Variants in STK36 observed in about 807,000 individuals in gnomAD.
STK36 encodes serine/threonine kinase 36, also known as serine/threonine-protein kinase 36.
Under a neutral mutation model 142.2 loss-of-function variants are expected in STK36, and 116 were observed. That is an observed-to-expected ratio of 0.82 (90% CI 0.70 to 0.95). The LOEUF is 0.95. STK36 is among the 40% of genes least tolerant of loss of function. The pLI, the probability that STK36 is intolerant of heterozygous loss-of-function variation, is 0.00. For missense variants in STK36, 1,422 were observed against 1,617.2 expected (o/e 0.88, Z 2.07); for synonymous variants, 619 against 641.7 (o/e 0.96, Z 0.53).
In STK36 at chr2:218,702,355, C is replaced by A; in HGVS notation, c.*346C>A. On this transcript the variant is annotated 3_prime_UTR_variant, in exon 27 of 27. Coordinates refer to ENST00000295709, the MANE Select transcript of STK36 (RefSeq NM_015690.5). ...CTGAAAGATCTCTTCCTTTCTGGAG[C>A]TCCTTTAATCTTCCCAGCAGGTTTT... 1 of 186,462 alleles carries A rather than the reference C, an allele frequency of 5.4e-6. No individual in the cohort carries two copies. The highest frequency in any genetic ancestry group is 1.1e-5 in the Non-Finnish European group (1 of 90,538). The allele number at this position is 186,462 out of a possible 1,614,324, so 11.6% of individuals were successfully genotyped here.
chr2:218,672,496 A>G, intron 1 of STK36: 1 of 333,180 alleles, frequency 3.0e-6, no homozygotes, highest in Non-Finnish European at 5.7e-6. Context: ...GGCTAGGTTG[A>G]AAGAGTAGGG....
chr2:218,699,356 C>T lies in STK36; in HGVS notation c.3804+8C>T. On this transcript the variant is annotated splice_region_variant and intron_variant, in intron 26 of 26. Coordinates refer to ENST00000295709, the MANE Select transcript of STK36 (RefSeq NM_015690.5). Reference sequence around the variant, plus strand: ...GAGCCTGGCATCCATCAGGTATACCCTACAGCACTTATGAACCATGATGAT... The same window carrying T: ...GAGCCTGGCATCCATCAGGTATACCTTACAGCACTTATGAACCATGATGAT... The T allele has an allele frequency of 6.2e-7, 1 of 1,610,558 alleles. No individual in the cohort carries two copies. Among genetic ancestry groups the T allele is most frequent in the East Asian group, 2.2e-5 (1 of 44,856 alleles).
At chr2:218,678,005 A>G (rs1451691013) in intron 6 of STK36, among the ~76,000 whole-genome samples, 1 of 152,154 alleles carries the variant, frequency 6.6e-6, no homozygotes, top group Non-Finnish European at 1.5e-5. Flanking sequence ...GTTAGCCAGG[A>G]TGGTCTCAAT....
chr2:218,680,196 G>C, intron 9 of STK36, 116 bp downstream of exon 9: 1 of 964,690 alleles, frequency 1.0e-6, no homozygotes. Flanking sequence ...CATGGATAGA[G>C]CCTCGAGAGT....
intron 12 of STK36, among the ~76,000 whole-genome samples, chr2:218,689,106 G>C (rs1940894883): frequency 6.6e-6 from 1 of 152,126 alleles, no homozygotes; most frequent in Non-Finnish European, 1.5e-5. Flanking sequence ...GGAATATGAT[G>C]AACTAGAGTT....
intron 12 of STK36, among the ~76,000 whole-genome samples, chr2:218,689,413 T>C: frequency 6.6e-6 from 1 of 152,292 alleles, no homozygotes; most frequent in Middle Eastern, 3.4e-3. Context: ...AGAGCTGGGA[T>C]AGAGACTCAA....
At chr2:218,700,431 T>C (rs1472887596) in intron 26 of STK36, among the ~76,000 whole-genome samples, 1 of 151,820 alleles carries the variant, frequency 6.6e-6, no homozygotes, top group Non-Finnish European at 1.5e-5. Flanking sequence ...AGATGGAGTC[T>C]CGCTCTGTTG....
chr2:218,680,621 A>G lies in STK36; in HGVS notation c.1155A>G (p.Pro385=). Residue 385 remains proline (P), a synonymous_variant, in exon 10 of 27, where the codon CCA becomes CCG. Coordinates refer to ENST00000295709, the MANE Select transcript of STK36 (RefSeq NM_015690.5). ...CCGGCAGGGAAAACCGGACCACCCCAGATTGTGAACGAGCATTCCCAGAGG... is the reference window on the plus strand; with the variant it reads ...CCGGCAGGGAAAACCGGACCACCCCGGATTGTGAACGAGCATTCCCAGAGG... The part of the protein sequence containing the change: ...PSAPRENRTT[P]DCERAFPEER... The G allele has an allele frequency of 6.2e-7, 1 of 1,613,444 alleles. No homozygotes were observed.
chr2:218,674,397 G>A (rs949167683), intron 4 of STK36, among the ~76,000 whole-genome samples: 2 of 152,086 alleles, frequency 1.3e-5, no homozygotes, highest in African/African-American at 4.8e-5. Flanking sequence ...AATAAAGGTT[G>A]TGGGGAGTCA....
rs541547565 is a variant in STK36 at position 218,685,926 on chromosome 2, T to C, written c.1380+698T>C. 8.5e-5 allele frequency among the ~76,000 whole-genome samples: 13 copies of C among 152,162 alleles called. No individual in the cohort carries two copies. The South Asian group carries it at 2.5e-3, about 29-fold the overall frequency. Reference sequence around the variant, plus strand: ...GAACATTTTCATCACCCCAGTAAAATCCCTCATACCCATTTACGGTTTTTT... The same window carrying C: ...GAACATTTTCATCACCCCAGTAAAACCCCTCATACCCATTTACGGTTTTTT... On this transcript the variant is annotated intron_variant, in intron 11 of 26. Transcript: ENST00000295709.
chr2:218,677,542 G>A (rs1940312162), intron 6 of STK36, among the ~76,000 whole-genome samples: 1 of 152,208 alleles, frequency 6.6e-6, no homozygotes. Context: ...CAATGAAAAG[G>A]TAATTGGAAG....
In STK36 at chr2:218,698,000, A is replaced by G. The variant is rs753365422; in HGVS notation, c.3056A>G (p.Gln1019Arg). ...TCAGAAGTTGCAGCCCATCTGCTGCAGGTACTTGGGCAGCTAGCATGAAGG... is the reference window on the plus strand; with the variant it reads ...TCAGAAGTTGCAGCCCATCTGCTGCGGGTACTTGGGCAGCTAGCATGAAGG... ...RDSEVAAHLLQVCCYHLPLMQ... is the reference protein window; with the variant it reads ...RDSEVAAHLLRVCCYHLPLMQ... The change falls in exon 25 of 27, where the codon CAG becomes CGG. Residue 1019 changes from glutamine (Q) to arginine (R), a missense_variant and splice_region_variant. Transcript: ENST00000295709. 4 of 1,614,130 alleles carry G rather than the reference A, an allele frequency of 2.5e-6. No homozygotes were observed. The highest frequency in any genetic ancestry group is 1.3e-5 in the African/African-American group (1 of 75,052).
chr2:218,697,576 C>T lies in STK36; in HGVS notation c.2875C>T (p.Leu959Phe), dbSNP rs1941283950. ...SILMSILKHL[L>F]CPSFLNQLRQ... Reference sequence around the variant, plus strand: ...CCTCATGTCCATCCTGAAGCATCTGCTTTGCCCCAGCTTCCTGAATCAACT... The same window carrying T: ...CCTCATGTCCATCCTGAAGCATCTGTTTTGCCCCAGCTTCCTGAATCAACT... Residue 959 changes from leucine to phenylalanine, a missense_variant, in exon 24 of 27, where the codon CTT becomes TTT. Physicochemically the swap from Leu to Phe is conservative, Grantham distance 22. Coordinates refer to ENST00000295709, the MANE Select transcript of STK36 (RefSeq NM_015690.5). The T allele has an allele frequency of 6.2e-7, 1 of 1,614,242 alleles. No homozygotes were observed. The highest frequency in any genetic ancestry group is 8.5e-7 in the Non-Finnish European group (1 of 1,180,050).
At position 218,680,028 on chromosome 2, in the gene STK36, T is replaced by C. The variant is rs781135335; in HGVS notation, c.1084T>C (p.Leu362=). The C allele has an allele frequency of 2.5e-6, 4 of 1,614,072 alleles. No homozygotes were observed. In the East Asian group the frequency reaches 6.7e-5, roughly 27 times the overall value. Residue 362 remains leucine (L), a synonymous_variant, in exon 9 of 27, where the codon TTG becomes CTG. Coordinates refer to ENST00000295709, the MANE Select transcript of STK36 (RefSeq NM_015690.5). ...CCTGGCCGGGATCTTAGCCTCAGAA[T>C]TGAAGAGCAGCTGGGCTAAATCAGG... ...SLLAGILASE[L]KSSWAKSGTG... is the part of the protein sequence containing the mutation.
At chr2:218,673,302 C>T (rs1164662378) in intron 2 of STK36, 2 of 393,520 alleles carry the variant, frequency 5.1e-6, no homozygotes, top group African/African-American at 2.0e-5. Flanking sequence ...AGAGGTAAAC[C>T]ACTTGAACTC....
Position 218,680,498 on chromosome 2 carries a change from G to A in STK36, c.1137-105G>A, listed in dbSNP as rs1940467735. On this transcript the variant is annotated intron_variant, in intron 9 of 26. Transcript: ENST00000295709. ...AAGTCTCCTCTAGTCAATCCTATAT[G>A]GCTTCTTTCTCATTCTTATCCTGGG... 7.6e-6 allele frequency: 7 copies of A among 915,186 alleles called. No individual in the cohort carries two copies. In the East Asian group the frequency reaches 1.9e-4, roughly 24 times the overall value. 56.7% of individuals were successfully genotyped at this position (915,186 alleles called of 1,614,324 possible). A position where few individuals can be genotyped will look rare whatever the true frequency, so the allele number is the denominator to read the frequency against.
Position 218,688,771 on chromosome 2 carries a change from C to T in STK36, c.1455C>T (p.Ser485=). The change falls in exon 12 of 27, where the codon AGC becomes AGT. Residue 485 remains serine, a synonymous_variant. Transcript: ENST00000295709. Reference sequence around the variant, plus strand: ...GGGTCCTGAGCAGTCTTCTCTCCAGCTGCAGTGATTCTGTTGCCTTGTATT... The same window carrying T: ...GGGTCCTGAGCAGTCTTCTCTCCAGTTGCAGTGATTCTGTTGCCTTGTATT... The part of the protein sequence containing the change: ...AFRVLSSLLS[S]CSDSVALYSF... 1 of 1,614,224 alleles carries T rather than the reference C, an allele frequency of 6.2e-7. No homozygotes were observed.
At chr2:218,678,887 T>C (rs1426363220) in intron 6 of STK36, among the ~76,000 whole-genome samples, 1 of 152,214 alleles carries the variant, frequency 6.6e-6, no homozygotes, top group Non-Finnish European at 1.5e-5. Flanking sequence ...TTTTTCTCCC[T>C]TCTTTACAAA....
chr2:218,699,246 C>T lies in STK36; in HGVS notation c.3702C>T (p.Pro1234=). ...LGEELLQCEV[P]QRLLEMACGD... is the part of the protein sequence containing the mutation. ...AGGAGCTGTTACAGTGCGAAGTACCCCAGCGGCTCCTAGAAATGGCATGTG... is the reference window on the plus strand; with the variant it reads ...AGGAGCTGTTACAGTGCGAAGTACCTCAGCGGCTCCTAGAAATGGCATGTG... The change falls in exon 26 of 27, where the codon CCC becomes CCT. Residue 1234 remains proline, a synonymous_variant. Transcript: ENST00000295709. 2 of 1,613,954 alleles carry T rather than the reference C, an allele frequency of 1.2e-6. No individual in the cohort carries two copies. The highest frequency in any genetic ancestry group is 1.7e-6 in the Non-Finnish European group (2 of 1,180,016).
Sources: gnomAD v4.1 joint callset for allele counts (sites outside exome capture counted in the v4.1 genomes callset) on GRCh38, gnomAD v4.1.1 for gene constraint, MANE v1.5 for transcripts, NCBI Gene and HGNC (gene_info 2026-07-23, HGNC 2026-07-21) for gene names.